The following SLC24A4 variants were observed in gnomAD, a reference collection of about 807,000 sequenced individuals.
SLC24A4 encodes sodium/potassium/calcium exchanger 4.
A neutral mutation model predicts 79.0 loss-of-function variants in SLC24A4; 53 were observed. The observed-to-expected ratio is 0.67, with a 90% CI of 0.54 to 0.84. The LOEUF (loss-of-function observed/expected upper bound fraction) is 0.84. Ranked by LOEUF, SLC24A4 falls within the 40% of genes least tolerant of loss-of-function variation. The pLI is 0.00. For synonymous variants in SLC24A4, 323 were observed against 323.8 expected, an observed-to-expected ratio of 1.00 and a Z score of 0.03; for missense variants, 731 against 822.0, an observed-to-expected ratio of 0.89 and a Z score of 1.35.
At position 92,482,567 on chromosome 14, in the gene SLC24A4, C is replaced by T. The variant is rs570629296; in HGVS notation, c.1256-113C>T. 3.7e-5 allele frequency: 37 copies of T among 1,011,444 alleles called. No individual in the cohort carries two copies. The Admixed American group carries it at 6.5e-4, about 18-fold the overall frequency. 62.7% of individuals were successfully genotyped at this position (1,011,444 alleles called of 1,614,324 possible). On this transcript the variant is annotated intron_variant, in intron 12 of 16. Coordinates refer to ENST00000532405, the MANE Select transcript of SLC24A4 (RefSeq NM_153646.4). ...CAAGGTCAGTTGCCTAGAGTCACAT[C>T]GGTGGCATTCTCTTATTTAGCTTGA...
rs1409275478 is a variant in SLC24A4 at position 92,441,764 on chromosome 14, G to A, written c.394-325G>A. 6.6e-6 allele frequency among the ~76,000 whole-genome samples: 1 copy of A among 152,216 alleles called. No individual in the cohort carries two copies. The highest frequency in any genetic ancestry group is 2.4e-5 in the African/African-American group (1 of 41,458). On this transcript the variant is annotated intron_variant, in intron 4 of 16. Coordinates refer to ENST00000532405, the MANE Select transcript of SLC24A4 (RefSeq NM_153646.4). The surrounding 1 kb of genome is among the most constrained non-coding windows in gnomAD (Gnocchi z 4.6). Reference sequence around the variant, plus strand: ...TCAGTAACAGCAGATAAAACACATCGTGTATCTGAGGGAAGTGGCTAGCTC... The same window carrying A: ...TCAGTAACAGCAGATAAAACACATCATGTATCTGAGGGAAGTGGCTAGCTC...
In SLC24A4 at chr14:92,443,551, C is replaced by G; in HGVS notation, c.657+77C>G. 9 of 1,439,652 alleles carry G rather than the reference C, an allele frequency of 6.3e-6. No individual in the cohort carries two copies. In the South Asian group the frequency reaches 1.0e-4, roughly 17 times the overall value. The allele number at this position is 1,439,652 out of a possible 1,614,324, so 89.2% of individuals were successfully genotyped here. A position where few individuals can be genotyped will look rare whatever the true frequency, so the allele number is the denominator to read the frequency against. Reference sequence around the variant, plus strand: ...CACAGGACCCCTGCCCATCTCTGCCCCTGGCACTGTGACCAGAGAGGACTC... The same window carrying G: ...CACAGGACCCCTGCCCATCTCTGCCGCTGGCACTGTGACCAGAGAGGACTC... On this transcript the variant is annotated intron_variant, in intron 7 of 16. Coordinates refer to ENST00000532405, the MANE Select transcript of SLC24A4 (RefSeq NM_153646.4).
chr14:92,400,222 C>T (rs777171976), intron 2 of SLC24A4, among the ~76,000 whole-genome samples: 9 of 152,166 alleles, frequency 5.9e-5, no homozygotes, highest in South Asian at 2.1e-4. Flanking sequence ...GGGCAGATCA[C>T]GAGGTCAGGA....
At position 92,495,145 on chromosome 14, in the gene SLC24A4, A is replaced by G. The variant is rs554947635; in HGVS notation, c.*1517A>G. 1 of 152,766 alleles carries G rather than the reference A, an allele frequency of 6.5e-6. No individual in the cohort carries two copies. The highest frequency in any genetic ancestry group is 6.5e-5 in the Admixed American group (1 of 15,298). 9.5% of individuals were successfully genotyped at this position (152,766 alleles called of 1,614,324 possible). A position where few individuals can be genotyped will look rare whatever the true frequency, so the allele number is the denominator to read the frequency against. On this transcript the variant is annotated 3_prime_UTR_variant, in exon 17 of 17. Transcript: ENST00000532405. The stretch of plus-strand genomic sequence containing the variant: ...ACCAGACATCACTTTAAACTTGGTG[A>G]TGAGTTTAAATCCAGTAGCTAATCC...
At chr14:92,471,276 A>G (rs1894427792) in intron 12 of SLC24A4, among the ~76,000 whole-genome samples, 1 of 152,158 alleles carries the variant, frequency 6.6e-6, no homozygotes, top group Non-Finnish European at 1.5e-5. Flanking sequence ...CCTAGCAGGG[A>G]CAAGGAGGAC....
chr14:92,334,823 G>T (rs1319557402), intron 2 of SLC24A4, among the ~76,000 whole-genome samples: 2 of 152,058 alleles, frequency 1.3e-5, no homozygotes, highest in African/African-American at 4.8e-5. Context: ...GACACCACAT[G>T]CTGTATGGAA....
chr14:92,457,097 C>G (rs2139851535), intron 12 of SLC24A4, among the ~76,000 whole-genome samples: 1 of 152,346 alleles, frequency 6.6e-6, no homozygotes, highest in East Asian at 1.9e-4. Context: ...TATCTCCTAC[C>G]TATAAATAAG....
rs188351719 is a variant in SLC24A4, at chr14:92,383,874, G to T, written c.242-50038G>T. 1.5e-4 allele frequency among the ~76,000 whole-genome samples: 23 copies of T among 152,258 alleles called. No individual in the cohort carries two copies. In the South Asian group the frequency reaches 4.8e-3, roughly 32 times the overall value. On this transcript the variant is annotated intron_variant, in intron 2 of 16. Coordinates refer to ENST00000532405, the MANE Select transcript of SLC24A4 (RefSeq NM_153646.4). ...TCCACCCCCAGGACCCAGCATTTCC[G>T]CGGGAAGATCTTCAGCGGGTCCCAA... is the stretch of plus-strand genomic sequence containing the variant.
At chr14:92,386,240 A>T (rs551355112) in intron 2 of SLC24A4, among the ~76,000 whole-genome samples, 13 of 152,052 alleles carry the variant, frequency 8.5e-5, no homozygotes, top group Non-Finnish European at 1.9e-4. Flanking sequence ...ATATTGTGAC[A>T]AGCGTGGGAG....
chr14:92,389,056 G>A (rs996674450), intron 2 of SLC24A4, among the ~76,000 whole-genome samples: 4 of 152,232 alleles, frequency 2.6e-5, no homozygotes, highest in Admixed American at 6.5e-5. Flanking sequence ...AGTAAACTGG[G>A]TGGGGAGGCA....
chr14:92,469,041 A>G (rs576648483), intron 12 of SLC24A4, among the ~76,000 whole-genome samples: 1 of 152,324 alleles, frequency 6.6e-6, no homozygotes, highest in African/African-American at 2.4e-5. Context: ...AAGGGTATGC[A>G]AAGATGCTCA....
At chr14:92,363,118 C>T in intron 2 of SLC24A4, among the ~76,000 whole-genome samples, 1 of 152,214 alleles carries the variant, frequency 6.6e-6, no homozygotes, top group Middle Eastern at 3.2e-3. Context: ...GACTGCTTCC[C>T]TCTTGGGTGG....
intron 2 of SLC24A4, among the ~76,000 whole-genome samples, chr14:92,338,310 A>C (rs1885934039): frequency 6.6e-6 from 1 of 152,232 alleles, no homozygotes; most frequent in African/African-American, 2.4e-5. Flanking sequence ...CAGGCTTTTA[A>C]GGATTAAGTG....
intron 12 of SLC24A4, among the ~76,000 whole-genome samples, chr14:92,474,725 ACACG>A (rs536849578): frequency 0.13 from 759 of 5,864 alleles, 17 homozygotes; most frequent in South Asian, 0.2. Flanking sequence ...ATATATACAC[ACACG>A]TATATATACG....
intron 2 of SLC24A4, among the ~76,000 whole-genome samples, chr14:92,409,064 C>A (rs1259680749): frequency 9.2e-5 from 14 of 152,088 alleles, no homozygotes; most frequent in Non-Finnish European, 1.5e-4. Flanking sequence ...GCTGGGGTTT[C>A]TATAGAAAGA....
At chr14:92,379,128 A>G (rs2141706111) in intron 2 of SLC24A4, among the ~76,000 whole-genome samples, 1 of 152,260 alleles carries the variant, frequency 6.6e-6, no homozygotes, top group South Asian at 2.1e-4. Flanking sequence ...AATGCGAGAG[A>G]GGTGTCTTGG....
At chr14:92,383,563 T>TC (rs35364717) in intron 2 of SLC24A4, among the ~76,000 whole-genome samples, 3 of 151,984 alleles carry the variant, frequency 2.0e-5, no homozygotes, top group Admixed American at 6.6e-5. Flanking sequence ...TGCACTTAAA[T>TC]CCCCCCTGGC....
intron 2 of SLC24A4, among the ~76,000 whole-genome samples, chr14:92,379,222 A>C (rs1447585503): frequency 2.6e-5 from 4 of 152,160 alleles, no homozygotes; most frequent in Admixed American, 6.5e-5. Flanking sequence ...ATGACCTGGA[A>C]ATCGATCTTG....
chr14:92,484,804 C>T (rs1449696197), intron 13 of SLC24A4: 2 of 985,290 alleles, frequency 2.0e-6, no homozygotes, highest in East Asian at 1.1e-4. Context: ...AGCATCCAGT[C>T]GTTAGCCGCT....
Sources: gnomAD v4.1 joint callset for allele counts (sites outside exome capture counted in the v4.1 genomes callset) on GRCh38, gnomAD v4.1.1 for gene constraint, Gnocchi (gnomAD v3.1) non-coding constraint, MANE v1.5 for transcripts, NCBI Gene and HGNC (gene_info 2026-07-23, HGNC 2026-07-21) for gene names.